MET: variants seen among roughly 807,000 people sequenced by gnomAD.
MET encodes the protein hepatocyte growth factor receptor.
MET carries 48 observed loss-of-function variants against 133.1 expected under a neutral mutation model. The ratio of observed to expected loss-of-function variants is 0.36; its 90% CI spans 0.29 to 0.46. The LOEUF (loss-of-function observed/expected upper bound fraction) is 0.46, where lower values mean the gene tolerates loss of function less well. MET is among the 20% of genes least tolerant of loss of function. The probability of loss-of-function intolerance (pLI) is 1.00; values close to 1 mark genes in which losing one functional copy is unlikely to be tolerated. For missense variants in MET, 1,442 were observed against 1,695.9 expected, an observed-to-expected ratio of 0.85 and a Z score of 2.63; for synonymous variants, 628 against 616.5, an observed-to-expected ratio of 1.02 and a Z score of -0.28.
intron 1 of MET, among the ~76,000 whole-genome samples, chr7:116,676,254 G>A (rs1796155764): frequency 6.6e-6 from 1 of 152,176 alleles, no homozygotes; most frequent in African/African-American, 2.4e-5. Flanking sequence ...AGGGCCCACA[G>A]GCGATTATAT....
intron 14 of MET, among the ~76,000 whole-genome samples, chr7:116,773,831 A>G (rs909387765): frequency 1.3e-5 from 2 of 152,208 alleles, no homozygotes; most frequent in African/African-American, 4.8e-5. Context: ...AATACTAAAA[A>G]TGCTCAAGTG....
intron 1 of MET, among the ~76,000 whole-genome samples, chr7:116,680,315 T>A (rs1796304639): frequency 6.6e-6 from 1 of 152,378 alleles, no homozygotes; most frequent in South Asian, 2.1e-4. Flanking sequence ...AGTGTTTTTG[T>A]ACACATTCGT....
At chr7:116,673,071 A>G (rs560093559) in intron 1 of MET, among the ~76,000 whole-genome samples, 5 of 152,124 alleles carry the variant, frequency 3.3e-5, no homozygotes, top group South Asian at 2.1e-4. Flanking sequence ...TGATCCATCA[A>G]TTTTCCATCG....
intron 2 of MET, among the ~76,000 whole-genome samples, chr7:116,728,314 A>G (rs539357778): frequency 1.3e-5 from 2 of 152,332 alleles, no homozygotes; most frequent in African/African-American, 4.8e-5. Context: ...GGGGGGGGCA[A>G]TAGAGACATA....
At chr7:116,782,792 G>A (rs1795193862) in intron 18 of MET, among the ~76,000 whole-genome samples, 1 of 152,192 alleles carries the variant, frequency 6.6e-6, no homozygotes, top group Admixed American at 6.5e-5. Flanking sequence ...GTTTTTCTTA[G>A]ATGCTTTACT....
At chr7:116,732,005 A>G in intron 3 of MET, 146 bp downstream of exon 3, 1 of 769,080 alleles carries the variant, frequency 1.3e-6, no homozygotes, top group Non-Finnish European at 2.2e-6. Context: ...CCAAACAATG[A>G]AGCCTGGTCT....
Position 116,759,424 on chromosome 7 carries a change from C to G in MET, c.2298C>G (p.Asn766Lys). The part of the protein sequence containing the change: ...GGSTITGVGK[N>K]LNSVSVPRMV... ...GCACAATAACAGGTGTTGGGAAAAA[C>G]CTGAATTCAGTTAGTGTCCCGAGAA... The change falls in exon 10 of 21, where the codon AAC becomes AAG. Residue 766 changes from asparagine (N) to lysine (K), a missense_variant. This residue lies in a region of MET where 514 missense variants were observed against 659.6 expected (regional missense o/e 0.78). Transcript: ENST00000397752. 6.2e-7 allele frequency: 1 copy of G among 1,613,778 alleles called. No individual in the cohort carries two copies. The highest frequency in any genetic ancestry group is 8.5e-7 in the Non-Finnish European group (1 of 1,179,868).
intron 2 of MET, among the ~76,000 whole-genome samples, chr7:116,716,334 A>AGAGAGAGAGG: frequency 7.5e-6 from 1 of 134,054 alleles, no homozygotes; most frequent in Admixed American, 7.4e-5. Context: ...AGAGAGAGAG[A>AGAGAGAGAGG]GAGAAAAGAA....
intron 19 of MET, among the ~76,000 whole-genome samples, chr7:116,792,361 C>T (rs2117095424): frequency 6.6e-6 from 1 of 151,978 alleles, no homozygotes; most frequent in South Asian, 2.1e-4. Context: ...CGGATGATAG[C>T]GCTCTCATGG....
intron 13 of MET, 85 bp downstream of exon 13, chr7:116,771,739 C>T (rs2116994277): frequency 6.2e-7 from 1 of 1,606,588 alleles, no homozygotes; most frequent in Non-Finnish European, 8.5e-7. Context: ...TTCTTGTGTG[C>T]TGTCTTATAT....
At position 116,672,288 on chromosome 7, in the gene MET, G is replaced by C. The variant is rs571793113; in HGVS notation, c.-304G>C. ...GCGCCCGGGCCGCCGCGGGCCGCGC[G>C]CGCCGATGCCCGGCTGAGTCACTGG... On this transcript the variant is annotated 5_prime_UTR_variant, in exon 1 of 21. Coordinates refer to ENST00000397752, the MANE Select transcript of MET (RefSeq NM_000245.4). 1.6e-5 allele frequency: 3 copies of C among 184,618 alleles called. No individual in the cohort carries two copies. Among genetic ancestry groups the C allele is most frequent in the East Asian group, 3.1e-4 (2 of 6,548 alleles). The allele number at this position is 184,618 out of a possible 1,614,324, so 11.4% of individuals were successfully genotyped here.
In MET at chr7:116,741,001, G is replaced by A. The variant is rs1290346524; in HGVS notation, c.1677G>A (p.Gln559=). ...EECLSGTWTQ[Q]ICLPAIYKVF... The stretch of plus-strand genomic sequence containing the variant: ...GCCTGAGCGGGACATGGACTCAACA[G>A]ATCTGTCTGCCTGCAATCTACAAGG... Residue 559 remains glutamine (Q), a synonymous_variant, in exon 5 of 21, where the codon CAG becomes CAA. Coordinates refer to ENST00000397752, the MANE Select transcript of MET (RefSeq NM_000245.4). 1.2e-6 allele frequency: 2 copies of A among 1,613,332 alleles called. No individual in the cohort carries two copies. Among genetic ancestry groups the A allele is most frequent in the Non-Finnish European group, 1.7e-6 (2 of 1,179,718 alleles).
At chr7:116,727,791 G>T (rs1792851962) in intron 2 of MET, among the ~76,000 whole-genome samples, 1 of 152,170 alleles carries the variant, frequency 6.6e-6, no homozygotes, top group African/African-American at 2.4e-5. Flanking sequence ...CTGAGATAAA[G>T]CAACCCCGTC....
chr7:116,722,730 T>C (rs1320345314), intron 2 of MET, among the ~76,000 whole-genome samples: 2 of 150,968 alleles, frequency 1.3e-5, no homozygotes, highest in South Asian at 4.2e-4. Flanking sequence ...TTATTTCTCC[T>C]TCACTTATGA....
rs555165777 is a variant in MET, at chr7:116,759,273, G to A, written c.2265-118G>A. The A allele has an allele frequency of 9.6e-6, 14 of 1,459,070 alleles. No homozygotes were observed. The African/African-American group carries it at 1.8e-4, about 19-fold the overall frequency. 90.4% of individuals were successfully genotyped at this position (1,459,070 alleles called of 1,614,324 possible). ...AACAGTTACCCATGAACTTCCATTTGATGTTGACTGTGCCTCTGACCTGTA... is the reference window on the plus strand; with the variant it reads ...AACAGTTACCCATGAACTTCCATTTAATGTTGACTGTGCCTCTGACCTGTA... On this transcript the variant is annotated intron_variant, in intron 9 of 20. Transcript: ENST00000397752.
intron 1 of MET, among the ~76,000 whole-genome samples, chr7:116,690,999 A>AT (rs1796763674): frequency 6.6e-6 from 1 of 152,202 alleles, no homozygotes; most frequent in African/African-American, 2.4e-5. Flanking sequence ...AATAAACATA[A>AT]TATAAATGTG....
chr7:116,755,543 G>C (rs777556288), intron 6 of MET, 28 bp downstream of exon 6: 11 of 1,613,612 alleles, frequency 6.8e-6, no homozygotes, highest in African/African-American at 1.3e-5. Flanking sequence ...CTTTGCTGGG[G>C]TGTGCTTGGA....
At chr7:116,721,401 C>T (rs373352648) in intron 2 of MET, among the ~76,000 whole-genome samples, 6,260 of 152,060 alleles carry the variant, frequency 0.041, 154 homozygotes, top group African/African-American at 0.062. Flanking sequence ...GTCTTGCTAG[C>T]GGTCTATCAA....
chr7:116,717,877 A>G (rs1792307056), intron 2 of MET, among the ~76,000 whole-genome samples: 1 of 152,210 alleles, frequency 6.6e-6, no homozygotes, highest in Non-Finnish European at 1.5e-5. Flanking sequence ...ATATTGAGAT[A>G]TATAGCACTT....
Sources: gnomAD v4.1 joint callset for allele counts (sites outside exome capture counted in the v4.1 genomes callset) on GRCh38, gnomAD v4.1.1 for gene constraint, gnomAD v4.1.1 regional missense constraint, MANE v1.5 for transcripts, NCBI Gene and HGNC (gene_info 2026-07-23, HGNC 2026-07-21) for gene names.